SGIP1: variants seen among roughly 807,000 people sequenced by gnomAD.
SGIP1 encodes the protein SH3-containing GRB2-like protein 3-interacting protein 1.
In SGIP1, 38 loss-of-function variants were observed where a neutral mutation model predicts 107.5. The ratio of observed to expected loss-of-function variants is 0.35; its 90% confidence interval spans 0.27 to 0.46. The LOEUF is 0.46. Among genes scored for constraint, SGIP1 ranks in the 20% least tolerant of loss-of-function variants. The pLI, the probability that SGIP1 is intolerant of heterozygous loss-of-function variation, is 1.00. For synonymous variants in SGIP1, 365 were observed against 366.1 expected (o/e 1.00, Z 0.03); for missense variants, 929 against 1,019.5 (o/e 0.91, Z 1.21).
chr1:66,733,702 T>G (rs762992469), intron 20 of SGIP1, 46 bp from the exon 21 acceptor site: 1 of 1,594,792 alleles, frequency 6.3e-7, no homozygotes, highest in Non-Finnish European at 8.6e-7. Flanking sequence ...AGGGTTTATA[T>G]TTGTTTTAAG....
chr1:66,725,882 G>C (rs1180015786), intron 19 of SGIP1, among the ~76,000 whole-genome samples: 4 of 152,204 alleles, frequency 2.6e-5, no homozygotes, highest in Admixed American at 1.3e-4. Flanking sequence ...AGGTTGATGG[G>C]TGCTGCCGCC....
At chr1:66,573,203 T>TA (rs1391743923) in intron 1 of SGIP1, among the ~76,000 whole-genome samples, 1 of 152,056 alleles carries the variant, frequency 6.6e-6, no homozygotes, top group East Asian at 1.9e-4. Context: ...GGATATGAAT[T>TA]ATTTCTTAAT....
intron 3 of SGIP1, chr1:66,634,282 C>T (rs929691503): frequency 1.2e-5 from 9 of 739,050 alleles, no homozygotes; most frequent in Admixed American, 1.2e-4. Context: ...CCTTGCTGCT[C>T]CCAGACTGGA....
chr1:66,632,891 C>T (rs1558144435), intron 2 of SGIP1, among the ~76,000 whole-genome samples, 179 bp from the exon 3 acceptor site: 1 of 152,192 alleles, frequency 6.6e-6, no homozygotes, highest in African/African-American at 2.4e-5. Context: ...TACACATACC[C>T]CACACTTAAA....
At position 66,659,996 on chromosome 1, in the gene SGIP1, AAGAC is replaced by A. The variant is rs71575497; in HGVS notation, c.460-498_460-495del. 6.0e-3 allele frequency: 327 copies of A among 54,724 alleles called. 34 individuals are homozygous for A. The highest frequency in any genetic ancestry group is 0.017 in the African/African-American group (129 of 7,642). The allele number at this position is 54,724 out of a possible 1,614,324, so 3.4% of individuals were successfully genotyped here. A position where few individuals can be genotyped will look rare whatever the true frequency, so the allele number is the denominator to read the frequency against. ...AAAGAAAGAAAGAAAGAAAGAAAGAAAGACAGACAGACAGACAGACAGGAAGGAA... is the reference window on the plus strand; with the variant it reads ...AAAGAAAGAAAGAAAGAAAGAAAGAAAGACAGACAGACAGACAGGAAGGAA... On this transcript the variant is annotated intron_variant, in intron 7 of 24. Coordinates refer to ENST00000371037, the MANE Select transcript of SGIP1 (RefSeq NM_032291.4).
intron 20 of SGIP1, among the ~76,000 whole-genome samples, chr1:66,733,330 G>A (rs2150629028): frequency 6.6e-6 from 1 of 152,266 alleles, no homozygotes; most frequent in African/African-American, 2.4e-5. Flanking sequence ...GATAATTTCT[G>A]AGAAACTACT....
rs147573245 is a variant in SGIP1 at position 66,687,598 on chromosome 1, T to A, written c.1316-1550T>A. 4.7e-4 allele frequency among the ~76,000 whole-genome samples: 71 copies of A among 152,294 alleles called. No homozygotes were observed. In the Middle Eastern group the frequency reaches 0.017, roughly 36 times the overall value. On this transcript the variant is annotated intron_variant, in intron 15 of 24. Coordinates refer to ENST00000371037, the MANE Select transcript of SGIP1 (RefSeq NM_032291.4). ...CCATCTCAAGCTATAAGAGATTGCA[T>A]TTAAGAGCGTGAGCTTTGGAGGTAC... is the stretch of plus-strand genomic sequence containing the variant.
chr1:66,715,749 C>CT (rs1005657239), intron 18 of SGIP1, among the ~76,000 whole-genome samples: 6 of 152,098 alleles, frequency 3.9e-5, no homozygotes, highest in Non-Finnish European at 8.8e-5. Context: ...CCTCCAGGTG[C>CT]TTTTTTTCAC....
chr1:66,709,486 A>G (rs1335863062), intron 18 of SGIP1, among the ~76,000 whole-genome samples: 1 of 152,082 alleles, frequency 6.6e-6, no homozygotes, highest in Non-Finnish European at 1.5e-5. Flanking sequence ...CAGTTTCTTG[A>G]TCTATAATAT....
chr1:66,623,502 C>T (rs1043473693), intron 1 of SGIP1, among the ~76,000 whole-genome samples: 7 of 152,208 alleles, frequency 4.6e-5, no homozygotes, highest in South Asian at 2.1e-4. Flanking sequence ...CCACCCGCCT[C>T]AGCCTCCCAC....
chr1:66,641,473 A>G (rs2076781490), intron 5 of SGIP1, among the ~76,000 whole-genome samples: 1 of 152,042 alleles, frequency 6.6e-6, no homozygotes, highest in African/African-American at 2.4e-5. Flanking sequence ...CTCAACTTCA[A>G]CAGGGCCACC....
At chr1:66,673,420 C>A in intron 12 of SGIP1, 54 bp downstream of exon 12, 1 of 1,431,250 alleles carries the variant, frequency 7.0e-7, no homozygotes. Flanking sequence ...TATTAAAGTA[C>A]AACTCTTCTA....
chr1:66,649,288 T>G (rs1187793220), intron 7 of SGIP1, among the ~76,000 whole-genome samples: 3 of 152,230 alleles, frequency 2.0e-5, no homozygotes, highest in African/African-American at 7.2e-5. Flanking sequence ...GATTTCTCTT[T>G]AAACACAAAC....
chr1:66,661,332 G>A (rs759506349), intron 8 of SGIP1, among the ~76,000 whole-genome samples: 2 of 152,184 alleles, frequency 1.3e-5, no homozygotes, highest in Non-Finnish European at 2.9e-5. Context: ...CCGGTTTGTT[G>A]TTAACGCACC....
chr1:66,569,681 T>C (rs2060122751), intron 1 of SGIP1, among the ~76,000 whole-genome samples: 1 of 152,026 alleles, frequency 6.6e-6, no homozygotes, highest in East Asian at 1.9e-4. Flanking sequence ...ACATCTGTGT[T>C]CATGAGATAT....
intron 4 of SGIP1, among the ~76,000 whole-genome samples, chr1:66,636,723 A>G (rs1200900362): frequency 6.6e-6 from 1 of 152,202 alleles, no homozygotes; most frequent in Non-Finnish European, 1.5e-5. Flanking sequence ...GAGAAAAGAT[A>G]ATATTTAGGC....
chr1:66,574,810 G>GTATATGTGTGCACGCACA (rs2060837471), intron 1 of SGIP1, among the ~76,000 whole-genome samples: 4 of 151,922 alleles, frequency 2.6e-5, no homozygotes, highest in South Asian at 2.1e-4. Context: ...GTGCACGCAC[G>GTATATGTGTGCACGCACA]CACATGTATA....
chr1:66,722,169 A>G (rs1572250479), intron 19 of SGIP1, among the ~76,000 whole-genome samples: 1 of 151,916 alleles, frequency 6.6e-6, no homozygotes, highest in Non-Finnish European at 1.5e-5. Flanking sequence ...CCTGCACCTC[A>G]TGGGTTTTCA....
At chr1:66,592,819 T>A (rs897024540) in intron 1 of SGIP1, among the ~76,000 whole-genome samples, 1 of 151,946 alleles carries the variant, frequency 6.6e-6, no homozygotes, top group Admixed American at 6.6e-5. Context: ...TACGATTTCA[T>A]ATAGTTGGAA....
Sources: allele counts gnomAD v4.1 joint callset (sites outside exome capture counted in the v4.1 genomes callset), GRCh38; gene constraint gnomAD v4.1.1; transcripts MANE v1.5; gene names NCBI Gene and HGNC (gene_info 2026-07-23, HGNC 2026-07-21).